The following EXOC6B variants were observed in gnomAD, a reference collection of about 807,000 sequenced individuals.
The protein encoded by EXOC6B is SEC15 homolog B.
Under a neutral mutation model 113.5 loss-of-function variants are expected in EXOC6B, and 54 were observed. The observed-to-expected ratio is 0.48, with a 90% CI of 0.38 to 0.60. The LOEUF is 0.60. Among genes scored for constraint, EXOC6B ranks in the 20% least tolerant of loss-of-function variants. The probability of loss-of-function intolerance (pLI) is 0.00; values close to 1 mark genes in which losing one functional copy is unlikely to be tolerated. For missense variants in EXOC6B, 797 were observed against 977.5 expected, an observed-to-expected ratio of 0.82 and a Z score of 2.46; for synonymous variants, 357 against 339.0, an observed-to-expected ratio of 1.05 and a Z score of -0.58.
intron 6 of EXOC6B, among the ~76,000 whole-genome samples, chr2:72,649,239 A>G (rs1249407703): frequency 6.6e-6 from 1 of 152,180 alleles, no homozygotes; most frequent in African/African-American, 2.4e-5. Flanking sequence ...GGGATGGTTA[A>G]TGGGCACAAA....
At chr2:72,586,208 T>C (rs1437760709) in intron 6 of EXOC6B, among the ~76,000 whole-genome samples, 1 of 151,938 alleles carries the variant, frequency 6.6e-6, no homozygotes, top group African/African-American at 2.4e-5. Flanking sequence ...TATGTCTAAG[T>C]CTACAAAAGC....
At chr2:72,224,545 A>G (rs1327808810) in intron 20 of EXOC6B, among the ~76,000 whole-genome samples, 1 of 152,212 alleles carries the variant, frequency 6.6e-6, no homozygotes, top group East Asian at 1.9e-4. Context: ...CATTGGAAGG[A>G]TGTACATCAG....
At chr2:72,510,839 C>T (rs1186467949) in intron 11 of EXOC6B, among the ~76,000 whole-genome samples, 2 of 151,578 alleles carry the variant, frequency 1.3e-5, no homozygotes, top group South Asian at 2.1e-4. Context: ...GGGTGCACTA[C>T]CACTACAAAA....
intron 1 of EXOC6B, among the ~76,000 whole-genome samples, chr2:72,784,687 A>T (rs1684268725): frequency 1.3e-5 from 2 of 152,200 alleles, no homozygotes; most frequent in Admixed American, 1.3e-4. Flanking sequence ...ACCATACACC[A>T]TGATTCAATT....
In EXOC6B at chr2:72,263,909, ACAGC is replaced by A. The variant is rs531669226; in HGVS notation, c.2196+71034_2196+71037del. Among the ~76,000 whole-genome samples, 1,212 of 152,232 alleles carry A rather than the reference ACAGC, an allele frequency of 8.0e-3. 11 individuals are homozygous for A. The highest frequency in any genetic ancestry group is 0.037 in the South Asian group (179 of 4,820). ...ACAGGCACTATAGTAAAGCATTCTG[ACAGC>A]CAGCCAGCCAGCCAGCCAGCCAGAC... On this transcript the variant is annotated intron_variant, in intron 20 of 21. Transcript: ENST00000272427.
chr2:72,332,165 A>G (rs183541366), intron 20 of EXOC6B, among the ~76,000 whole-genome samples: 1 of 152,188 alleles, frequency 6.6e-6, no homozygotes, highest in East Asian at 1.9e-4. Flanking sequence ...TGTGTACCCT[A>G]TAATTTACCT....
chr2:72,358,297 G>A (rs1215020447), intron 19 of EXOC6B, among the ~76,000 whole-genome samples: 1 of 151,892 alleles, frequency 6.6e-6, no homozygotes, highest in Admixed American at 6.6e-5. Context: ...TTAATATCTT[G>A]GAACTAAATG....
chr2:72,230,859 T>C (rs1226543630), intron 20 of EXOC6B, among the ~76,000 whole-genome samples: 1 of 152,132 alleles, frequency 6.6e-6, no homozygotes, highest in African/African-American at 2.4e-5. Context: ...CAAGGAACAA[T>C]ATGAATGGAA....
At position 72,817,211 on chromosome 2, in the gene EXOC6B, AC is replaced by A. The variant is rs967247777; in HGVS notation, c.113+8586del. 7.2e-4 allele frequency among the ~76,000 whole-genome samples: 109 copies of A among 152,176 alleles called. 1 individual carries two copies. The highest frequency in any genetic ancestry group is 7.1e-3 in the Admixed American group (108 of 15,280). ...TCATCATTAGAGTTACTATTCTTAA[AC>A]CTGCAAACTTTTGACAGCACTACAA... On this transcript the variant is annotated intron_variant, in intron 1 of 21. Coordinates refer to ENST00000272427, the MANE Select transcript of EXOC6B (RefSeq NM_015189.3).
chr2:72,541,334 A>G (rs1702590978), intron 8 of EXOC6B, among the ~76,000 whole-genome samples: 1 of 152,174 alleles, frequency 6.6e-6, no homozygotes, highest in Non-Finnish European at 1.5e-5. Context: ...GCAATGTGAA[A>G]AAGGACTAAT....
In EXOC6B at chr2:72,559,540, A is replaced by C. The variant is rs767150065; in HGVS notation, c.847-19T>G. ...CAGGTACCTGCAAACACAAGATTATAACAAAAAAATTCAAACAAAGCTATT... is the reference window on the plus strand; with the variant it reads ...CAGGTACCTGCAAACACAAGATTATCACAAAAAAATTCAAACAAAGCTATT... On this transcript the variant is annotated intron_variant, in intron 7 of 21. Coordinates refer to ENST00000272427, the MANE Select transcript of EXOC6B (RefSeq NM_015189.3). 6.2e-7 allele frequency: 1 copy of C among 1,602,396 alleles called. No homozygotes were observed. The highest frequency in any genetic ancestry group is 1.7e-4 in the Middle Eastern group (1 of 6,006).
chr2:72,201,409 T>C (rs1335532722), intron 20 of EXOC6B, among the ~76,000 whole-genome samples: 1 of 150,846 alleles, frequency 6.6e-6, no homozygotes, highest in Non-Finnish European at 1.5e-5. Flanking sequence ...TATCATCCTT[T>C]ATCACTATAT....
intron 18 of EXOC6B, among the ~76,000 whole-genome samples, chr2:72,453,471 T>C (rs1003758250): frequency 5.3e-5 from 8 of 152,182 alleles, no homozygotes; most frequent in Admixed American, 2.6e-4. Context: ...ATTTAAAATA[T>C]TTCCTGGTGA....
At chr2:72,232,176 C>T (rs56152907) in intron 20 of EXOC6B, among the ~76,000 whole-genome samples, 7,372 of 152,022 alleles carry the variant, frequency 0.048, 203 homozygotes, top group African/African-American at 0.061. Flanking sequence ...GGTTTCAATA[C>T]GTTGGCCAGG....
At position 72,348,450 on chromosome 2, in the gene EXOC6B, C is replaced by T. The variant is rs75130346; in HGVS notation, c.2123-13430G>A. On this transcript the variant is annotated intron_variant, in intron 19 of 21. Coordinates refer to ENST00000272427, the MANE Select transcript of EXOC6B (RefSeq NM_015189.3). ...ATATTTTGTATATGCTTCAACAAGC[C>T]TGTCAGTACATTTTTATTATCTCTC... 6.9e-3 allele frequency among the ~76,000 whole-genome samples: 1,052 copies of T among 152,214 alleles called. 14 individuals are homozygous for T. Among genetic ancestry groups the T allele is most frequent in the African/African-American group, 0.024 (981 of 41,548 alleles).
chr2:72,535,065 C>T (rs4852876), intron 8 of EXOC6B, among the ~76,000 whole-genome samples: 128,663 of 152,196 alleles, frequency 0.85, 55,046 homozygotes, highest in East Asian at 0.99. Context: ...GATAAAAAGC[C>T]TAAAATGCAA....
At chr2:72,295,678 T>C (rs1573201635) in intron 20 of EXOC6B, among the ~76,000 whole-genome samples, 2 of 152,194 alleles carry the variant, frequency 1.3e-5, no homozygotes, top group East Asian at 1.9e-4. Context: ...ACTTTCTGAA[T>C]ATCAGGAACT....
intron 8 of EXOC6B, among the ~76,000 whole-genome samples, chr2:72,516,393 G>A (rs1701215375): frequency 6.6e-6 from 1 of 152,012 alleles, no homozygotes; most frequent in South Asian, 2.1e-4. Context: ...GACTACAGGT[G>A]TGCGCCACCA....
intron 18 of EXOC6B, among the ~76,000 whole-genome samples, chr2:72,394,349 A>C (rs1692587873): frequency 6.6e-6 from 1 of 152,190 alleles, no homozygotes; most frequent in Non-Finnish European, 1.5e-5. Context: ...ATCAAGGAGA[A>C]CAGACAATTA....
Sources: gnomAD v4.1 joint callset for allele counts (sites outside exome capture counted in the v4.1 genomes callset) on GRCh38, gnomAD v4.1.1 for gene constraint, MANE v1.5 for transcripts, NCBI Gene and HGNC (gene_info 2026-07-23, HGNC 2026-07-21) for gene names.